Variants in ADAMTSL1 observed in about 807,000 individuals in gnomAD.
ADAMTSL1 encodes ADAMTS like 1.
In ADAMTSL1, 126 loss-of-function variants were observed where a neutral mutation model predicts 201.8. The observed-to-expected ratio is 0.62, with a 90% CI of 0.54 to 0.72. The LOEUF is 0.72. Ranked by LOEUF, ADAMTSL1 falls within the 30% of genes least tolerant of loss-of-function variation. The probability of loss-of-function intolerance (pLI) is 0.00; values close to 1 mark genes in which losing one functional copy is unlikely to be tolerated. For missense variants in ADAMTSL1, 2,679 were observed against 2,277.8 expected (o/e 1.18, Z -3.59); for synonymous variants, 1,121 against 903.4 (o/e 1.24, Z -4.32).
chr9:18,779,412 A>G (rs1445066778), intron 19 of ADAMTSL1, among the ~76,000 whole-genome samples: 1 of 152,194 alleles, frequency 6.6e-6, no homozygotes, highest in Non-Finnish European at 1.5e-5. Context: ...TGCCAGACAT[A>G]GTGCTCAGTG....
At chr9:18,095,890 G>C (rs1824230742) in intron 1 of ADAMTSL1, among the ~76,000 whole-genome samples, 1 of 152,090 alleles carries the variant, frequency 6.6e-6, no homozygotes, top group South Asian at 2.1e-4. Flanking sequence ...ACTGCTACTG[G>C]GTTGGTCATT....
intron 16 of ADAMTSL1, among the ~76,000 whole-genome samples, chr9:18,756,079 ATATATATATAT>A (rs1223979635): frequency 8.7e-4 from 3 of 3,432 alleles, no homozygotes; most frequent in East Asian, 0.013. Flanking sequence ...TACTGAAAAT[ATATATATATAT>A]ATATATATAT....
chr9:18,687,381 G>C (rs1271749230), intron 13 of ADAMTSL1, among the ~76,000 whole-genome samples: 2 of 152,106 alleles, frequency 1.3e-5, no homozygotes, highest in Non-Finnish European at 2.9e-5. Flanking sequence ...ATGATCAACT[G>C]TCAGCAAGTC....
In ADAMTSL1 at chr9:18,669,036, C is replaced by T. The variant is rs1026256419; in HGVS notation, c.1086-6821C>T. On this transcript the variant is annotated intron_variant, in intron 9 of 28. Coordinates refer to ENST00000380548, the MANE Select transcript of ADAMTSL1 (RefSeq NM_001040272.6). ...CCTGATGCCTGGTGCAGCCTTCATGCCATCAAATCCCACAGTCATCCTTGT... is the reference window on the plus strand; with the variant it reads ...CCTGATGCCTGGTGCAGCCTTCATGTCATCAAATCCCACAGTCATCCTTGT... 2.6e-5 allele frequency among the ~76,000 whole-genome samples: 4 copies of T among 152,320 alleles called. No individual in the cohort carries two copies. The East Asian group carries it at 7.7e-4, about 29-fold the overall frequency.
intron 1 of ADAMTSL1, among the ~76,000 whole-genome samples, chr9:17,960,369 T>G (rs13288789): frequency 0.11 from 16,544 of 152,128 alleles, 1,057 homozygotes; most frequent in South Asian, 0.21. Flanking sequence ...ATCGCTAATT[T>G]CCTAGCTAAG....
intron 19 of ADAMTSL1, among the ~76,000 whole-genome samples, chr9:18,792,677 A>G (rs374724736): frequency 9.8e-5 from 15 of 152,342 alleles, no homozygotes; most frequent in Admixed American, 2.6e-4. Context: ...TATTCCTGGG[A>G]CATCCTAAAG....
chr9:18,278,616 A>T (rs570835746), intron 2 of ADAMTSL1, among the ~76,000 whole-genome samples: 1 of 152,258 alleles, frequency 6.6e-6, no homozygotes, highest in East Asian at 1.9e-4. Context: ...GTATTTAATT[A>T]TACTCTGTTT....
intron 2 of ADAMTSL1, among the ~76,000 whole-genome samples, chr9:18,254,558 T>C (rs1831602975): frequency 6.6e-6 from 1 of 151,548 alleles, no homozygotes; most frequent in Non-Finnish European, 1.5e-5. Context: ...AAAGACGGGG[T>C]TTCACCATGT....
At chr9:18,606,188 C>T (rs1473556560) in intron 4 of ADAMTSL1, among the ~76,000 whole-genome samples, 1 of 152,126 alleles carries the variant, frequency 6.6e-6, no homozygotes, top group African/African-American at 2.4e-5. Context: ...GATGTTTTTC[C>T]TCTGTTTAAG....
intron 2 of ADAMTSL1, among the ~76,000 whole-genome samples, chr9:18,172,955 C>A (rs901755502): frequency 2.0e-5 from 3 of 151,990 alleles, no homozygotes; most frequent in Non-Finnish European, 4.4e-5. Context: ...TATGCTTCAA[C>A]TTTGGGATGT....
At chr9:18,539,483 A>G (rs895262722) in intron 3 of ADAMTSL1, among the ~76,000 whole-genome samples, 1 of 152,236 alleles carries the variant, frequency 6.6e-6, no homozygotes, top group Admixed American at 6.5e-5. Flanking sequence ...GTGAACCTGG[A>G]AACGCAGAAA....
rs555670750 is a variant in ADAMTSL1, at chr9:18,658,020, G to A, written c.946+270G>A. ...GACAGAGTCTCGCACTGTCGCCCAG[G>A]CTGGAGTGCAGTGGCGCCATCTCGG... On this transcript the variant is annotated intron_variant, in intron 8 of 28. Transcript: ENST00000380548. 1.0e-4 allele frequency among the ~76,000 whole-genome samples: 15 copies of A among 147,278 alleles called. No individual in the cohort carries two copies. In the East Asian group the frequency reaches 3.0e-3, roughly 30 times the overall value.
At chr9:18,551,786 T>TA (rs1820812805) in intron 3 of ADAMTSL1, among the ~76,000 whole-genome samples, 1 of 151,878 alleles carries the variant, frequency 6.6e-6, no homozygotes, top group Admixed American at 6.6e-5. Flanking sequence ...AATAATACTA[T>TA]AAGCATTTAC....
At chr9:18,314,782 CTTTTTTTTT>C (rs776046209) in intron 2 of ADAMTSL1, among the ~76,000 whole-genome samples, 20 of 49,848 alleles carry the variant, frequency 4.0e-4, no homozygotes, top group Non-Finnish European at 5.7e-4. Flanking sequence ...CGGCAGCGTG[CTTTTTTTTT>C]TTTTTTTTTT....
chr9:18,030,842 G>C (rs1820921314), intron 1 of ADAMTSL1, among the ~76,000 whole-genome samples: 1 of 152,078 alleles, frequency 6.6e-6, no homozygotes, highest in Non-Finnish European at 1.5e-5. Context: ...CATATTTTTG[G>C]AGGCTCTGAT....
At chr9:18,532,142 G>A (rs1393967581) in intron 2 of ADAMTSL1, among the ~76,000 whole-genome samples, 1 of 152,168 alleles carries the variant, frequency 6.6e-6, no homozygotes, top group Non-Finnish European at 1.5e-5. Context: ...ATTTTGAAAA[G>A]AGTATAGTAC....
intron 2 of ADAMTSL1, among the ~76,000 whole-genome samples, chr9:18,425,859 GAAAA>G (rs71304881): frequency 2.0e-4 from 19 of 94,618 alleles, no homozygotes; most frequent in Admixed American, 3.9e-4. Flanking sequence ...CCTGTCTCAA[GAAAA>G]AAAAAAAAAA....
Position 18,368,636 on chromosome 9 carries a change from C to T in ADAMTSL1, c.208-136193C>T, listed in dbSNP as rs113357573. Among the ~76,000 whole-genome samples the T allele has an allele frequency of 5.0e-3, 768 of 152,230 alleles. 3 individuals carry two copies. The highest frequency in any genetic ancestry group is 6.8e-3 in the Non-Finnish European group (465 of 68,018). ...AAAGTTTGCCTGCATTCTTTATGCTCACATGCTGCCTTTAAAGTTTTTTAT... is the reference window on the plus strand; with the variant it reads ...AAAGTTTGCCTGCATTCTTTATGCTTACATGCTGCCTTTAAAGTTTTTTAT... On this transcript the variant is annotated intron_variant, in intron 2 of 29. Coordinates refer to the ADAMTSL1 transcript ENST00000680146.
chr9:18,801,999 G>A (rs577742987), intron 20 of ADAMTSL1, among the ~76,000 whole-genome samples: 7 of 152,146 alleles, frequency 4.6e-5, no homozygotes, highest in South Asian at 2.1e-4. Flanking sequence ...AGTTGTGGCC[G>A]GGCACAGTGA....
Sources: gnomAD v4.1 joint callset for allele counts (sites outside exome capture counted in the v4.1 genomes callset) on GRCh38, gnomAD v4.1.1 for gene constraint, MANE v1.5 for transcripts, NCBI Gene and HGNC (gene_info 2026-07-23, HGNC 2026-07-21) for gene names.